VAV1: variants seen among roughly 807,000 people sequenced by gnomAD.
VAV1 encodes the protein proto-oncogene vav.
VAV1 carries 33 observed loss-of-function variants against 128.1 expected under a neutral mutation model. That is an observed-to-expected ratio of 0.26 (90% CI 0.20 to 0.34). The LOEUF is 0.34. VAV1 is among the 10% of genes least tolerant of loss of function. VAV1 has a pLI of 1.00. For synonymous variants in VAV1, 394 were observed against 409.8 expected (o/e 0.96, Z 0.47); for missense variants, 715 against 1,093.7 (o/e 0.65, Z 4.88).
At chr19:6,794,510 A>G (rs1348502024) in intron 1 of VAV1, among the ~76,000 whole-genome samples, 2 of 152,180 alleles carry the variant, frequency 1.3e-5, no homozygotes, top group Admixed American at 1.3e-4. Flanking sequence ...GTCTCAAAAC[A>G]AAACAAAAAA....
intron 26 of VAV1, among the ~76,000 whole-genome samples, chr19:6,854,932 G>T (rs997516730): frequency 6.6e-6 from 1 of 152,162 alleles, no homozygotes; most frequent in African/African-American, 2.4e-5. Context: ...AAGGCCCTGG[G>T]GTGAGAGGTG....
At chr19:6,774,704 G>A in intron 1 of VAV1, among the ~76,000 whole-genome samples, 1 of 151,696 alleles carries the variant, frequency 6.6e-6, no homozygotes, top group Non-Finnish European at 1.5e-5. Flanking sequence ...CAAAGTGCTG[G>A]AATTACAGGT....
chr19:6,841,274 C>T (rs993516327), intron 21 of VAV1, among the ~76,000 whole-genome samples: 6 of 151,928 alleles, frequency 3.9e-5, no homozygotes, highest in Non-Finnish European at 8.8e-5. Context: ...TTTGTTTATC[C>T]GTTTTCCTGT....
At chr19:6,838,225 TATC>T (rs1555705122) in intron 21 of VAV1, among the ~76,000 whole-genome samples, 17 of 149,194 alleles carry the variant, frequency 1.1e-4, no homozygotes, top group African/African-American at 2.7e-4. Flanking sequence ...TATCTATCTA[TATC>T]ATCATCATCA....
chr19:6,790,391 G>A (rs756768032), intron 1 of VAV1, among the ~76,000 whole-genome samples: 3 of 152,162 alleles, frequency 2.0e-5, no homozygotes, highest in Non-Finnish European at 4.4e-5. Flanking sequence ...AAAGAACCAC[G>A]GATCGGATGT....
chr19:6,808,257 A>T lies in VAV1; in HGVS notation c.205-12445A>T, dbSNP rs530409430. 4.6e-5 allele frequency among the ~76,000 whole-genome samples: 7 copies of T among 152,082 alleles called. No homozygotes were observed. In the South Asian group the frequency reaches 1.5e-3, roughly 32 times the overall value. On this transcript the variant is annotated intron_variant, in intron 1 of 26. Coordinates refer to ENST00000602142, the MANE Select transcript of VAV1 (RefSeq NM_005428.4). The stretch of plus-strand genomic sequence containing the variant: ...AACCCAGGAGGCGGAGTTTGCAGTG[A>T]GCCAAGATCACACCATTGCACTCCA...
chr19:6,847,607 A>G (rs1350333021), intron 22 of VAV1, among the ~76,000 whole-genome samples: 1 of 151,826 alleles, frequency 6.6e-6, no homozygotes, highest in Non-Finnish European at 1.5e-5. Flanking sequence ...TCTCACTTAC[A>G]TTTTGCACCT....
rs755481100 is a variant in VAV1 at position 6,828,895 on chromosome 19, G to T, written c.1260G>T (p.Met420Ile). 1 of 1,614,064 alleles carries T rather than the reference G, an allele frequency of 6.2e-7. No homozygotes were observed. The highest frequency in any genetic ancestry group is 1.7e-5 in the Admixed American group (1 of 60,004). ...KITSVERRSK[M>I]DRYAFLLDKA... ...CCTCGGTGGAACGGCGCTCCAAGAT[G>T]GACAGGTGGGTGGAGTCAACATGGA... The change falls in exon 13 of 27, where the codon ATG becomes ATT. Residue 420 changes from methionine (M) to isoleucine (I), a missense_variant. Physicochemically the swap from Met to Ile is conservative, Grantham distance 10. This residue lies in a region of VAV1 where 407 missense variants were observed against 580.6 expected (regional missense o/e 0.70). Transcript: ENST00000602142. The surrounding 1 kb of genome is among the most constrained non-coding windows in gnomAD (Gnocchi z 4.5).
Position 6,850,749 on chromosome 19 carries a change from G to A in VAV1, c.2209G>A (p.Gly737Arg), listed in dbSNP as rs199781915. 5.0e-6 allele frequency: 8 copies of A among 1,613,932 alleles called. No individual in the cohort carries two copies. Among genetic ancestry groups the A allele is most frequent in the Non-Finnish European group, 6.8e-6 (8 of 1,179,960 alleles). Residue 737 changes from glycine to arginine, a missense_variant, in exon 24 of 27, where the codon GGG (glycine) becomes AGG (arginine). Gly to Arg is a moderately radical substitution (Grantham distance 125). Transcript: ENST00000602142. ...GATCACAGAGAAAAAGGCTTTCCGGGGGCTTACGGTAAGGGTCAATGTCCG... is the reference window on the plus strand; with the variant it reads ...GATCACAGAGAAAAAGGCTTTCCGGAGGCTTACGGTAAGGGTCAATGTCCG... ...YRITEKKAFR[G>R]LTELVEFYQQ...
At chr19:6,790,034 C>T (rs375134058) in intron 1 of VAV1, among the ~76,000 whole-genome samples, 6 of 152,102 alleles carry the variant, frequency 3.9e-5, no homozygotes, top group Non-Finnish European at 7.4e-5. Flanking sequence ...AAAAATTAGC[C>T]GGCCATGGTG....
At position 6,828,901 on chromosome 19, in the gene VAV1, G is replaced by A; in HGVS notation, c.1265+1G>A. ...TGGAACGGCGCTCCAAGATGGACAG[G>A]TGGGTGGAGTCAACATGGATCTGGG... On this transcript the variant is annotated splice_donor_variant, in intron 13 of 26. Coordinates refer to ENST00000602142, the MANE Select transcript of VAV1 (RefSeq NM_005428.4). LOFTEE classifies it high-confidence loss of function. The surrounding 1 kb of genome is among the most constrained non-coding windows in gnomAD (Gnocchi z 4.5). 1 of 1,614,000 alleles carries A rather than the reference G, an allele frequency of 6.2e-7. No individual in the cohort carries two copies. Among genetic ancestry groups the A allele is most frequent in the Non-Finnish European group, 8.5e-7 (1 of 1,180,010 alleles).
At chr19:6,823,792 A>T (rs901686570) in intron 6 of VAV1, among the ~76,000 whole-genome samples, 1 of 152,144 alleles carries the variant, frequency 6.6e-6, no homozygotes, top group African/African-American at 2.4e-5. Context: ...AGCTTTATTG[A>T]GATTTCATTA....
At chr19:6,778,691 A>T (rs989225025) in intron 1 of VAV1, among the ~76,000 whole-genome samples, 8 of 152,114 alleles carry the variant, frequency 5.3e-5, no homozygotes, top group Non-Finnish European at 1.2e-4. Context: ...GCACCACTGC[A>T]TTCCAGCCTG....
intron 1 of VAV1, among the ~76,000 whole-genome samples, chr19:6,779,031 C>CA (rs1271648699): frequency 4.1e-4 from 58 of 141,030 alleles, no homozygotes; most frequent in African/African-American, 1.4e-3. Context: ...TGTGCACCGG[C>CA]ATACCTGGGT....
intron 1 of VAV1, among the ~76,000 whole-genome samples, chr19:6,810,588 G>A (rs771780183): frequency 6.6e-6 from 1 of 151,588 alleles, no homozygotes; most frequent in Admixed American, 6.6e-5. Flanking sequence ...GCCTGTAATC[G>A]CAGCTACTCA....
At chr19:6,776,568 T>C (rs1234360418) in intron 1 of VAV1, among the ~76,000 whole-genome samples, 1 of 126,632 alleles carries the variant, frequency 7.9e-6, no homozygotes, top group African/African-American at 3.1e-5. Flanking sequence ...AACCACCCAC[T>C]CATTCACCCA....
At chr19:6,838,295 T>TTATCTATCTATCTATCTATC (rs57869416) in intron 21 of VAV1, among the ~76,000 whole-genome samples, 2 of 145,566 alleles carry the variant, frequency 1.4e-5, no homozygotes, top group African/African-American at 5.2e-5. Context: ...CATCTACATA[T>TTATCTATCTATCTATCTATC]TATCTATCTA....
chr19:6,849,442 A>G (rs1972611786), intron 23 of VAV1, among the ~76,000 whole-genome samples: 1 of 133,110 alleles, frequency 7.5e-6, no homozygotes, highest in Admixed American at 8.7e-5. Context: ...GGTGCACGTC[A>G]CCATGCCTGG....
chr19:6,777,879 C>G lies in VAV1; in HGVS notation c.204+4868C>G, dbSNP rs1332484302. Among the ~76,000 whole-genome samples, 1 of 152,146 alleles carries G rather than the reference C, an allele frequency of 6.6e-6. No homozygotes were observed. Among genetic ancestry groups the G allele is most frequent in the Non-Finnish European group, 1.5e-5 (1 of 68,022 alleles). ...GCAGTGGCATGGTCCCAACTCACTG[C>G]AGCCTCCACCTCCCAGGTTCAAGCA... On this transcript the variant is annotated intron_variant, in intron 1 of 26. Coordinates refer to ENST00000602142, the MANE Select transcript of VAV1 (RefSeq NM_005428.4). The surrounding 1 kb of genome is among the most constrained non-coding windows in gnomAD (Gnocchi z 4.4).
Sources: gnomAD v4.1 joint callset for allele counts (sites outside exome capture counted in the v4.1 genomes callset) on GRCh38, gnomAD v4.1.1 for gene constraint, gnomAD v4.1.1 regional missense constraint, Gnocchi (gnomAD v3.1) non-coding constraint, MANE v1.5 for transcripts, NCBI Gene and HGNC (gene_info 2026-07-23, HGNC 2026-07-21) for gene names.